HIPK2: variants seen among roughly 807,000 people sequenced by gnomAD.
HIPK2 encodes homeodomain-interacting protein kinase 2.
Under a neutral mutation model 113.7 loss-of-function variants are expected in HIPK2, and 27 were observed. That is an observed-to-expected ratio of 0.24 (90% confidence interval 0.17 to 0.33). The LOEUF (loss-of-function observed/expected upper bound fraction) is 0.33. HIPK2 is among the 10% of genes least tolerant of loss of function. The pLI is 1.00. For synonymous variants in HIPK2, 631 were observed against 642.2 expected (o/e 0.98, Z 0.26); for missense variants, 1,257 against 1,588.0 (o/e 0.79, Z 3.54).
chr7:139,747,364 C>T (rs1377085601), intron 1 of HIPK2, among the ~76,000 whole-genome samples: 3 of 152,186 alleles, frequency 2.0e-5, no homozygotes. Flanking sequence ...CTGGACGTTC[C>T]CACCTTCCTA....
intron 10 of HIPK2, 104 bp downstream of exon 10, chr7:139,603,977 A>G: frequency 4.0e-6 from 6 of 1,485,306 alleles, no homozygotes; most frequent in Non-Finnish European, 5.6e-6. Flanking sequence ...CTCTCTACAA[A>G]CCGGGGAATT....
intron 1 of HIPK2, among the ~76,000 whole-genome samples, chr7:139,762,596 T>C (rs975829116): frequency 1.3e-5 from 2 of 152,204 alleles, no homozygotes; most frequent in African/African-American, 2.4e-5. Context: ...TATCAAGATG[T>C]CTTTTGCTTT....
Position 139,584,029 on chromosome 7 carries a change from C to T in HIPK2, c.2753G>A (p.Cys918Tyr), listed in dbSNP as rs1798756451. ...VSKQRKNVIS[C>Y]VTVHDSPYSD... The stretch of plus-strand genomic sequence containing the variant: ...GTAGGGGGAGTCGTGGACTGTGACA[C>T]AGCTGATGACGTTTTTTCTTTGCTT... The change falls in exon 13 of 15, where the codon TGT (cysteine) becomes TAT (tyrosine). Residue 918 changes from cysteine to tyrosine, a missense_variant. By Grantham distance (194) the Cys-to-Tyr change is radical (BLOSUM62 -2). This residue lies in a region of HIPK2 where 862 missense variants were observed against 1,004.3 expected (regional missense o/e 0.86). Coordinates refer to ENST00000406875, the MANE Select transcript of HIPK2 (RefSeq NM_022740.5). 2 of 1,606,206 alleles carry T rather than the reference C, an allele frequency of 1.2e-6. No individual in the cohort carries two copies. The highest frequency in any genetic ancestry group is 1.3e-5 in the African/African-American group (1 of 74,754).
At chr7:139,773,183 T>C (rs1279614346) in intron 1 of HIPK2, among the ~76,000 whole-genome samples, 2 of 152,164 alleles carry the variant, frequency 1.3e-5, no homozygotes, top group African/African-American at 4.8e-5. Flanking sequence ...TTTGAGTTCA[T>C]GTGGGTGAAG....
intron 1 of HIPK2, among the ~76,000 whole-genome samples, chr7:139,769,353 C>CTCCATCTCCACGGCCGCAGTG (rs1203472472): frequency 4.6e-4 from 70 of 151,584 alleles, no homozygotes; most frequent in Non-Finnish European, 5.2e-4. Context: ...CATGGCCCAC[C>CTCCATCTCCACGGCCGCAGTG]CCTGGCTGTC....
At chr7:139,590,268 A>C (rs1798972209) in intron 12 of HIPK2, among the ~76,000 whole-genome samples, 1 of 152,228 alleles carries the variant, frequency 6.6e-6, no homozygotes, top group Non-Finnish European at 1.5e-5. Context: ...CTTCTGAATA[A>C]AGAACAAAGC....
At chr7:139,731,578 T>G (rs1281083518) in intron 1 of HIPK2, among the ~76,000 whole-genome samples, 1 of 152,174 alleles carries the variant, frequency 6.6e-6, no homozygotes, top group Non-Finnish European at 1.5e-5. Flanking sequence ...GTGCAACACC[T>G]GTTTGCACAC....
chr7:139,585,040 AT>A (rs148736920), intron 12 of HIPK2, among the ~76,000 whole-genome samples: 1,771 of 152,294 alleles, frequency 0.012, 28 homozygotes, highest in African/African-American at 0.039. Context: ...TGTGAAATTT[AT>A]TGTTTATTGT....
intron 1 of HIPK2, among the ~76,000 whole-genome samples, chr7:139,753,964 C>T (rs2117118198): frequency 6.6e-6 from 1 of 152,330 alleles, no homozygotes; most frequent in Non-Finnish European, 1.5e-5. Flanking sequence ...TGCTGAATGG[C>T]CAGAGAGCAG....
At position 139,703,443 on chromosome 7, in the gene HIPK2, C is replaced by T. The variant is rs1031928198; in HGVS notation, c.1103+12489G>A. On this transcript the variant is annotated intron_variant, in intron 2 of 14. Transcript: ENST00000406875. ...GTTCTAATTTACAAAAAGAGGAGGA[C>T]GAGAAATCCTTCATGGAGGTCAGAG... Among the ~76,000 whole-genome samples, 11 of 152,118 alleles carry T rather than the reference C, an allele frequency of 7.2e-5. No homozygotes were observed. In the East Asian group the frequency reaches 1.4e-3, roughly 19 times the overall value.
chr7:139,774,070 G>A (rs1796698544), intron 1 of HIPK2, among the ~76,000 whole-genome samples: 1 of 152,200 alleles, frequency 6.6e-6, no homozygotes, highest in Non-Finnish European at 1.5e-5. Context: ...TTTCTTCTAT[G>A]GCTATAGGGG....
intron 1 of HIPK2, among the ~76,000 whole-genome samples, chr7:139,760,548 T>A (rs1796446146): frequency 6.6e-6 from 1 of 152,214 alleles, no homozygotes; most frequent in South Asian, 2.1e-4. Context: ...AGTATTAAAC[T>A]TTCCTCTGTA....
intron 2 of HIPK2, among the ~76,000 whole-genome samples, chr7:139,688,746 C>T (rs1402961372): frequency 1.3e-5 from 2 of 151,924 alleles, no homozygotes; most frequent in South Asian, 2.1e-4. Context: ...AAATCACTTT[C>T]CCTCTTCCCA....
At chr7:139,619,387 T>TA (rs1554430322) in intron 7 of HIPK2, among the ~76,000 whole-genome samples, 1 of 152,208 alleles carries the variant, frequency 6.6e-6, no homozygotes, top group Non-Finnish European at 1.5e-5. Flanking sequence ...GAGTAGGAGT[T>TA]ACAGTTTCTT....
At chr7:139,734,694 T>C (rs1053949783) in intron 1 of HIPK2, among the ~76,000 whole-genome samples, 7 of 152,352 alleles carry the variant, frequency 4.6e-5, no homozygotes, top group Admixed American at 3.3e-4. Context: ...AAGTCAGCAA[T>C]GGTTTTAAAA....
intron 2 of HIPK2, among the ~76,000 whole-genome samples, chr7:139,680,756 C>G (rs1381757705): frequency 6.6e-6 from 1 of 152,206 alleles, no homozygotes; most frequent in African/African-American, 2.4e-5. Flanking sequence ...ATGAAGAGCA[C>G]AGCCCACTGG....
intron 2 of HIPK2, among the ~76,000 whole-genome samples, chr7:139,695,552 A>G (rs1794538058): frequency 3.3e-5 from 5 of 152,250 alleles, no homozygotes; most frequent in Non-Finnish European, 4.4e-5. Flanking sequence ...TTAAAAAGTT[A>G]TTCAAGAGGC....
chr7:139,623,838 A>G (rs1324843444), intron 6 of HIPK2, among the ~76,000 whole-genome samples: 1 of 152,074 alleles, frequency 6.6e-6, no homozygotes, highest in African/African-American at 2.4e-5. Context: ...CAATTCTCAC[A>G]TCTCCAGGCT....
intron 13 of HIPK2, among the ~76,000 whole-genome samples, chr7:139,582,479 G>A (rs1798699726): frequency 6.6e-6 from 1 of 152,248 alleles, no homozygotes; most frequent in Admixed American, 6.5e-5. Flanking sequence ...AAGCTGCTTG[G>A]AGGCTGCATC....
Sources: gnomAD v4.1 joint callset for allele counts (sites outside exome capture counted in the v4.1 genomes callset) on GRCh38, gnomAD v4.1.1 for gene constraint, gnomAD v4.1.1 regional missense constraint, MANE v1.5 for transcripts, NCBI Gene and HGNC (gene_info 2026-07-23, HGNC 2026-07-21) for gene names.